COL14A1: variants seen among roughly 807,000 people sequenced by gnomAD.
The protein encoded by COL14A1 is collagen alpha-1(XIV) chain.
Under a neutral mutation model 230.3 loss-of-function variants are expected in COL14A1, and 136 were observed. The observed-to-expected ratio is 0.59, with a 90% CI of 0.51 to 0.68. The LOEUF (loss-of-function observed/expected upper bound fraction) is 0.68, where lower values mean the gene tolerates loss of function less well. Ranked by LOEUF, COL14A1 falls within the 30% of genes least tolerant of loss-of-function variation. The probability of loss-of-function intolerance (pLI) is 0.00; values close to 1 mark genes in which losing one functional copy is unlikely to be tolerated. For missense variants in COL14A1, 1,976 were observed against 2,215.8 expected (o/e 0.89, Z 2.17); for synonymous variants, 792 against 784.1 (o/e 1.01, Z -0.17).
intron 37 of COL14A1, among the ~76,000 whole-genome samples, chr8:120,311,407 G>A (rs1319593371): frequency 6.6e-6 from 1 of 152,184 alleles, no homozygotes; most frequent in African/African-American, 2.4e-5. Context: ...TAATCATGAA[G>A]ATAAATGAGT....
rs561676497 is a variant in COL14A1 at position 120,372,240 on chromosome 8, G to A, written c.*1009G>A. 1.4e-4 allele frequency among the ~76,000 whole-genome samples: 21 copies of A among 152,218 alleles called. No individual in the cohort carries two copies. The highest frequency in any genetic ancestry group is 1.9e-4 in the African/African-American group (8 of 41,536). On this transcript the variant is annotated 3_prime_UTR_variant, in exon 48 of 48. Transcript: ENST00000297848. ...GTTAACTTGGGACTAAGAGATTAGC[G>A]ACATTTTATTGTTCATTTATAATCT...
chr8:120,225,435 C>A (rs961508925), intron 15 of COL14A1, among the ~76,000 whole-genome samples: 13 of 152,072 alleles, frequency 8.5e-5, no homozygotes, highest in African/African-American at 3.1e-4. Context: ...CACCTAAATT[C>A]AAAAGGTCTG....
chr8:120,216,950 C>T (rs1817769990), intron 14 of COL14A1, among the ~76,000 whole-genome samples: 1 of 152,194 alleles, frequency 6.6e-6, no homozygotes, highest in Non-Finnish European at 1.5e-5. Flanking sequence ...TTGATATCAC[C>T]TCTATCACAC....
chr8:120,253,227 T>G (rs895417467), intron 22 of COL14A1, among the ~76,000 whole-genome samples: 1 of 152,174 alleles, frequency 6.6e-6, no homozygotes, highest in Non-Finnish European at 1.5e-5. Flanking sequence ...CAAGCTGGTC[T>G]TGAACTCCTG....
At chr8:120,301,061 G>A (rs573759063) in intron 36 of COL14A1, among the ~76,000 whole-genome samples, 4 of 152,214 alleles carry the variant, frequency 2.6e-5, no homozygotes, top group African/African-American at 4.8e-5. Context: ...TGTGTCATAC[G>A]ATGTCTCATA....
In COL14A1 at chr8:120,370,716, C is replaced by T. The variant is rs1034919846; in HGVS notation, c.5312-436C>T. The T allele has an allele frequency of 8.6e-6, 12 of 1,403,150 alleles. No homozygotes were observed. The East Asian group carries it at 4.4e-4, about 52-fold the overall frequency. The allele number at this position is 1,403,150 out of a possible 1,614,324, so 86.9% of individuals were successfully genotyped here. ...TAAAGTTACTTAACTGTGCCTCTTC[C>T]TCCTTCCTCTCCCCACACAGGATGG... On this transcript the variant is annotated intron_variant, in intron 47 of 47. Transcript: ENST00000297848.
intron 19 of COL14A1, among the ~76,000 whole-genome samples, chr8:120,237,379 C>T (rs1196310293): frequency 3.3e-5 from 5 of 152,086 alleles, no homozygotes; most frequent in African/African-American, 1.2e-4. Context: ...TCTCTGATAT[C>T]CTTTCTTTCA....
At chr8:120,289,106 G>A (rs1340143071) in intron 33 of COL14A1, among the ~76,000 whole-genome samples, 1 of 151,940 alleles carries the variant, frequency 6.6e-6, no homozygotes, top group African/African-American at 2.4e-5. Context: ...TTTGAACCTG[G>A]GTTCACCAGA....
Position 120,193,980 on chromosome 8 carries a change from C to T in COL14A1, c.437-2811C>T, listed in dbSNP as rs113322584. Among the ~76,000 whole-genome samples the T allele has an allele frequency of 7.0e-3, 1,057 of 151,550 alleles. 10 individuals carry two copies. The highest frequency in any genetic ancestry group is 0.02 in the African/African-American group (805 of 40,850). ...CCCTTTCTTTGACTAGGAAAGGGAA[C>T]TCCCTGACCCCTTGCGCTTCCCGGG... On this transcript the variant is annotated intron_variant, in intron 5 of 47. Transcript: ENST00000297848.
In COL14A1 at chr8:120,345,573, G is replaced by A. The variant is rs200707826; in HGVS notation, c.5077+10G>A. 77 of 1,520,928 alleles carry A rather than the reference G, an allele frequency of 5.1e-5. 1 individual carries two copies. Among genetic ancestry groups the A allele is most frequent in the East Asian group, 1.2e-4 (5 of 40,286 alleles). 94.2% of individuals were successfully genotyped at this position (1,520,928 alleles called of 1,614,324 possible). On this transcript the variant is annotated intron_variant, in intron 45 of 47. Coordinates refer to ENST00000297848, the MANE Select transcript of COL14A1 (RefSeq NM_021110.4). ...ACCCCAGGAGAACGAGGTAAGCTGG[G>A]CCCCTTCTCTCAGAGGAACTCCTCT...
chr8:120,202,092 A>G (rs1281737762), intron 8 of COL14A1, among the ~76,000 whole-genome samples: 3 of 152,218 alleles, frequency 2.0e-5, no homozygotes, highest in African/African-American at 7.2e-5. Flanking sequence ...ACCATCAGAG[A>G]GATTTATTTT....
intron 45 of COL14A1, among the ~76,000 whole-genome samples, chr8:120,359,797 C>T (rs1486658874): frequency 6.6e-6 from 1 of 152,164 alleles, no homozygotes; most frequent in African/African-American, 2.4e-5. Flanking sequence ...CTGCCACTCA[C>T]CTGCAGTTGT....
chr8:120,129,517 G>A (rs1361051172), intron 1 of COL14A1, among the ~76,000 whole-genome samples: 1 of 152,184 alleles, frequency 6.6e-6, no homozygotes, highest in Non-Finnish European at 1.5e-5. Context: ...AGAACATACA[G>A]CATGAGTTTA....
intron 32 of COL14A1, among the ~76,000 whole-genome samples, chr8:120,285,079 T>A (rs1008723282): frequency 1.3e-5 from 2 of 152,108 alleles, no homozygotes; most frequent in Non-Finnish European, 2.9e-5. Context: ...AATTTTTGCT[T>A]GTTTGTTCAT....
chr8:120,171,966 T>C (rs1816106230), intron 5 of COL14A1, among the ~76,000 whole-genome samples: 1 of 152,148 alleles, frequency 6.6e-6, no homozygotes, highest in Admixed American at 6.5e-5. Flanking sequence ...AGCCTGTTCT[T>C]TTCAATGGGG....
chr8:120,250,864 C>T, intron 22 of COL14A1, 98 bp downstream of exon 22: 1 of 1,360,126 alleles, frequency 7.4e-7, no homozygotes, highest in Non-Finnish European at 1.0e-6. Flanking sequence ...CTGGAGTGCG[C>T]TGGTGCGATC....
At chr8:120,263,748 G>A (rs1189017046) in intron 24 of COL14A1, among the ~76,000 whole-genome samples, 1 of 152,056 alleles carries the variant, frequency 6.6e-6, no homozygotes, top group East Asian at 1.9e-4. Context: ...GGCTTTCTTG[G>A]TGACCCGTCT....
At chr8:120,303,946 A>G (rs1041906909) in intron 36 of COL14A1, among the ~76,000 whole-genome samples, 28 of 152,146 alleles carry the variant, frequency 1.8e-4, no homozygotes, top group African/African-American at 5.8e-4. Flanking sequence ...CAGGGAATCA[A>G]TTTCTTTCTG....
At chr8:120,348,417 A>C (rs1001144943) in intron 45 of COL14A1, among the ~76,000 whole-genome samples, 2 of 151,858 alleles carry the variant, frequency 1.3e-5, no homozygotes, top group East Asian at 3.9e-4. Flanking sequence ...ATTCTAAGTG[A>C]ATTGACTCAG....
Sources: gnomAD v4.1 joint callset for allele counts (sites outside exome capture counted in the v4.1 genomes callset) on GRCh38, gnomAD v4.1.1 for gene constraint, MANE v1.5 for transcripts, NCBI Gene and HGNC (gene_info 2026-07-23, HGNC 2026-07-21) for gene names.